The following LINGO2 variants were observed in gnomAD, a reference collection of about 807,000 sequenced individuals.
LINGO2 encodes the protein leucine-rich repeat and immunoglobulin-like domain-containing nogo receptor-interacting protein 2.
Under a neutral mutation model 30.6 loss-of-function variants are expected in LINGO2, and 14 were observed. The ratio of observed to expected loss-of-function variants is 0.46; its 90% CI spans 0.30 to 0.72. The LOEUF (loss-of-function observed/expected upper bound fraction) is 0.72, where lower values mean the gene tolerates loss of function less well. Among genes scored for constraint, LINGO2 ranks in the 30% least tolerant of loss-of-function variants. LINGO2 has a pLI of 0.07. For missense variants in LINGO2, 729 were observed against 751.7 expected, an observed-to-expected ratio of 0.97 and a Z score of 0.35; for synonymous variants, 317 against 288.5, an observed-to-expected ratio of 1.10 and a Z score of -1.00.
At chr9:28,390,815 CTCT>C (rs1279051308) in intron 2 of LINGO2, among the ~76,000 whole-genome samples, 3 of 152,132 alleles carry the variant, frequency 2.0e-5, no homozygotes, top group East Asian at 3.9e-4. Context: ...TATCGTGATG[CTCT>C]TCTTATTATT....
chr9:29,192,901 C>G, the LINGO2 span, among the ~76,000 whole-genome samples: 5 of 152,272 alleles, frequency 3.3e-5, no homozygotes, highest in South Asian at 6.2e-4. Context: ...CTCCACTTGT[C>G]AAACTATGCG....
chr9:29,039,832 A>G, the LINGO2 span, among the ~76,000 whole-genome samples: 1 of 152,134 alleles, frequency 6.6e-6, no homozygotes, highest in African/African-American at 2.4e-5. Context: ...CGCTTGAAAA[A>G]TCAAAGCACA....
chr9:28,848,044 A>AGTGT, the LINGO2 span, among the ~76,000 whole-genome samples: 1 of 21,660 alleles, frequency 4.6e-5, no homozygotes, highest in African/African-American at 1.4e-4. Context: ...CACTATATAT[A>AGTGT]GTATATATAT....
chr9:28,150,519 G>A (rs945222222), intron 4 of LINGO2, among the ~76,000 whole-genome samples: 2 of 152,168 alleles, frequency 1.3e-5, no homozygotes, highest in African/African-American at 4.8e-5. Flanking sequence ...GGGAGGTGGA[G>A]GTTGCAGTGA....
At chr9:28,566,654 C>A (rs1037143975) in intron 1 of LINGO2, among the ~76,000 whole-genome samples, 10 of 151,948 alleles carry the variant, frequency 6.6e-5, no homozygotes, top group African/African-American at 2.4e-4. Flanking sequence ...GGGTGCAATT[C>A]AAAAAAATTA....
intron 2 of LINGO2, among the ~76,000 whole-genome samples, chr9:28,463,626 C>A (rs1364178627): frequency 6.6e-6 from 1 of 151,960 alleles, no homozygotes; most frequent in Non-Finnish European, 1.5e-5. Flanking sequence ...ATTTACTTGA[C>A]CTTACACAGA....
In LINGO2 at chr9:28,005,051, T is replaced by G. The variant is rs78575038; in HGVS notation, c.-36+7304A>C. 9.0e-3 allele frequency among the ~76,000 whole-genome samples: 1,373 copies of G among 152,336 alleles called. 6 individuals are homozygous for G. Among genetic ancestry groups the G allele is most frequent in the Non-Finnish European group, 0.015 (1,017 of 68,020 alleles). ...GGGGAAATGTCCCTGATACCCATAA[T>G]TAGGCAGTACATCTGAAAGTGGCAG... On this transcript the variant is annotated intron_variant, in intron 5 of 5. Coordinates refer to ENST00000379992, the Ensembl canonical transcript of LINGO2.
rs534506854 is a variant in LINGO2 at position 28,322,138 on chromosome 9, T to C, written c.-245-26772A>G. On this transcript the variant is annotated intron_variant, in intron 3 of 5. Transcript: ENST00000379992. ...GAGACACATGGGTTTTTTTCATCTT[T>C]AGACACATCAAGTTCATACTGGCCT... Among the ~76,000 whole-genome samples the C allele has an allele frequency of 9.1e-4, 139 of 152,304 alleles. 1 individual carries two copies. The highest frequency in any genetic ancestry group is 3.2e-3 in the African/African-American group (134 of 41,572).
the LINGO2 span, among the ~76,000 whole-genome samples, chr9:29,098,290 C>T: frequency 6.6e-6 from 1 of 152,096 alleles, no homozygotes; most frequent in African/African-American, 2.4e-5. Context: ...TAACTGCAAG[C>T]AAGCACTGCT....
At chr9:28,867,241 G>T in the LINGO2 span, among the ~76,000 whole-genome samples, 29,627 of 151,884 alleles carry the variant, frequency 0.2, 5,241 homozygotes, top group African/African-American at 0.48. Flanking sequence ...GAAAATAGTA[G>T]AGCAAGTAAA....
intron 1 of LINGO2, among the ~76,000 whole-genome samples, chr9:28,519,971 G>T (rs1240542327): frequency 6.6e-6 from 1 of 151,854 alleles, no homozygotes; most frequent in Non-Finnish European, 1.5e-5. Context: ...TAATTTTCCA[G>T]TTAAAAAAAT....
At chr9:28,410,527 G>T (rs548519044) in intron 2 of LINGO2, among the ~76,000 whole-genome samples, 4 of 152,086 alleles carry the variant, frequency 2.6e-5, no homozygotes, top group African/African-American at 4.8e-5. Context: ...AAAAATGAGG[G>T]CCAGAGCCAG....
At chr9:28,292,380 G>T (rs868381244) in intron 4 of LINGO2, among the ~76,000 whole-genome samples, 1 of 152,158 alleles carries the variant, frequency 6.6e-6, no homozygotes, top group Non-Finnish European at 1.5e-5. Context: ...GATTTTCCCA[G>T]TATCTTTCTG....
At chr9:28,460,821 G>C (rs111351099) in intron 2 of LINGO2, among the ~76,000 whole-genome samples, 20 of 152,150 alleles carry the variant, frequency 1.3e-4, no homozygotes, top group African/African-American at 4.8e-4. Flanking sequence ...GTTTGTGTGT[G>C]GGGGGAGGGG....
At chr9:28,073,598 T>C (rs983577461) in intron 4 of LINGO2, among the ~76,000 whole-genome samples, 24 of 152,200 alleles carry the variant, frequency 1.6e-4, no homozygotes, top group Non-Finnish European at 2.9e-4. Context: ...CAGAGAAACA[T>C]AAGCCACATA....
At chr9:28,388,185 C>CT (rs1411583412) in intron 2 of LINGO2, among the ~76,000 whole-genome samples, 6 of 152,230 alleles carry the variant, frequency 3.9e-5, no homozygotes, top group South Asian at 2.1e-4. Flanking sequence ...ACTAGACTTG[C>CT]TTTTTTCTCT....
the LINGO2 span, among the ~76,000 whole-genome samples, chr9:28,855,525 T>C: frequency 1.9e-4 from 29 of 152,092 alleles, no homozygotes; most frequent in South Asian, 5.8e-3. Flanking sequence ...TTTTATAATA[T>C]ACCTAAATTA....
At chr9:28,506,399 CATATATATATATATATAT>C (rs371821368) in intron 1 of LINGO2, among the ~76,000 whole-genome samples, 684 of 25,930 alleles carry the variant, frequency 0.026, 4 homozygotes, top group African/African-American at 0.05. Flanking sequence ...GCTTCTTAGA[CATATATATATATATATAT>C]ATATACACAC....
chr9:28,385,302 C>T (rs1404810887), intron 2 of LINGO2, among the ~76,000 whole-genome samples: 1 of 152,086 alleles, frequency 6.6e-6, no homozygotes, highest in Non-Finnish European at 1.5e-5. Context: ...TATAATTAAC[C>T]TCACCTGAAG....
Sources: gnomAD v4.1 joint callset for allele counts (sites outside exome capture counted in the v4.1 genomes callset) on GRCh38, gnomAD v4.1.1 for gene constraint, MANE v1.5 for transcripts, NCBI Gene and HGNC (gene_info 2026-07-23, HGNC 2026-07-21) for gene names.